Variants in FDFT1 observed in about 807,000 individuals in gnomAD.
FDFT1 encodes the protein farnesyl-diphosphate farnesyltransferase 1.
In FDFT1, 68 loss-of-function variants were observed where a neutral mutation model predicts 46.8. The observed-to-expected ratio is 1.45, with a 90% CI of 1.19 to 1.78. The LOEUF is 1.78. FDFT1 is among the 40% of genes most tolerant of loss of function. The pLI is 0.00. For missense variants in FDFT1, 928 were observed against 524.4 expected, an observed-to-expected ratio of 1.77 and a Z score of -7.52; for synonymous variants, 351 against 185.1, an observed-to-expected ratio of 1.90 and a Z score of -7.28.
chr8:11,809,648 A>C lies in FDFT1; in HGVS notation c.198-19A>C. 1.3e-6 allele frequency: 2 copies of C among 1,576,092 alleles called. No individual in the cohort carries two copies. Among genetic ancestry groups the C allele is most frequent in the Non-Finnish European group, 1.7e-6 (2 of 1,162,938 alleles). On this transcript the variant is annotated intron_variant, in intron 2 of 7. Transcript: ENST00000220584. ...TGGCTGTTTGTTCCAATATATTAATAGTTTTCCCTTTTTTACAGCAACGCA... is the reference window on the plus strand; with the variant it reads ...TGGCTGTTTGTTCCAATATATTAATCGTTTTCCCTTTTTTACAGCAACGCA...
chr8:11,803,331 C>T (rs777543640), intron 1 of FDFT1: 26 of 1,293,876 alleles, frequency 2.0e-5, no homozygotes, highest in Admixed American at 2.3e-5. Context: ...GATAACATCA[C>T]ATGAAGGCCG....
At chr8:11,822,442 A>C (rs1049788739) in intron 4 of FDFT1, among the ~76,000 whole-genome samples, 2 of 152,198 alleles carry the variant, frequency 1.3e-5, no homozygotes, top group African/African-American at 4.8e-5. Flanking sequence ...AAAACTTGAC[A>C]GCAGTTATCT....
intron 6 of FDFT1, 142 bp from the exon 7 acceptor site, chr8:11,831,376 G>C: frequency 1.5e-6 from 1 of 658,080 alleles, no homozygotes; most frequent in Non-Finnish European, 2.6e-6. Context: ...TTCTTCGTGG[G>C]TATTTTTTCT....
Position 11,809,841 on chromosome 8 carries a change from C to G in FDFT1, c.372C>G (p.Asp124Glu). ...AGAAGGATCGCCAGGTGCTGGAGGA[C>G]TTCCCAACGGTGAGTGGGGTTACGC... ...SKEKDRQVLE[D>E]FPTISLEFRN... The change falls in exon 3 of 8, where the codon GAC becomes GAG. Residue 124 changes from aspartate to glutamate, a missense_variant. Asp to Glu is a conservative substitution (Grantham distance 45). Transcript: ENST00000220584. The G allele has an allele frequency of 6.2e-7, 1 of 1,612,728 alleles. No homozygotes were observed. The highest frequency in any genetic ancestry group is 1.3e-5 in the African/African-American group (1 of 75,004).
At position 11,838,934 on chromosome 8, in the gene FDFT1, G is replaced by C. The variant is rs1811953598; in HGVS notation, c.*325G>C. 1 of 259,686 alleles carries C rather than the reference G, an allele frequency of 3.9e-6. No individual in the cohort carries two copies. The highest frequency in any genetic ancestry group is 5.0e-5 in the Admixed American group (1 of 20,168). 16.1% of individuals were successfully genotyped at this position (259,686 alleles called of 1,614,324 possible). On this transcript the variant is annotated 3_prime_UTR_variant, in exon 8 of 8. Coordinates refer to ENST00000220584, the MANE Select transcript of FDFT1 (RefSeq NM_004462.5). ...ATCCTACTTAGTATGATCCTGGCTA[G>C]AATGATAATTAAAAGTATTTAATTT...
chr8:11,797,382 C>A (rs1353158545), upstream of FDFT1, among the ~76,000 whole-genome samples: 1 of 152,170 alleles, frequency 6.6e-6, no homozygotes, highest in Non-Finnish European at 1.5e-5. Flanking sequence ...TAGGGGCTCT[C>A]TAACAAATAG....
intron 1 of FDFT1, among the ~76,000 whole-genome samples, chr8:11,805,418 G>GA (rs1415866066): frequency 1.3e-5 from 2 of 152,190 alleles, no homozygotes; most frequent in Non-Finnish European, 2.9e-5. Flanking sequence ...GAGAGTAATG[G>GA]AAAGAGCAGG....
At chr8:11,809,158 C>G in intron 2 of FDFT1, 2 of 1,294,874 alleles carry the variant, frequency 1.5e-6, no homozygotes, top group Non-Finnish European at 2.0e-6. Context: ...GCAGCTGAAC[C>G]TGCCTGTGAG....
intron 5 of FDFT1, among the ~76,000 whole-genome samples, chr8:11,828,507 G>C (rs879760137): frequency 6.6e-6 from 1 of 152,118 alleles, no homozygotes; most frequent in East Asian, 1.9e-4. Flanking sequence ...TCAGTCTCCC[G>C]GCTCCTAGGC....
At chr8:11,825,869 T>G (rs778659471) in intron 4 of FDFT1, 155 bp from the exon 5 acceptor site, 4 of 439,470 alleles carry the variant, frequency 9.1e-6, no homozygotes, top group Non-Finnish European at 1.6e-5. Flanking sequence ...TCTTGAATGT[T>G]TTTTAAATCC....
chr8:11,829,259 G>A (rs926598579), intron 5 of FDFT1, among the ~76,000 whole-genome samples: 3 of 152,144 alleles, frequency 2.0e-5, no homozygotes, highest in Non-Finnish European at 4.4e-5. Flanking sequence ...TTATTCAGTG[G>A]CATTAAGTAC....
At chr8:11,812,861 A>G (rs1807928281) in intron 3 of FDFT1, among the ~76,000 whole-genome samples, 1 of 152,212 alleles carries the variant, frequency 6.6e-6, no homozygotes, top group Admixed American at 6.5e-5. Context: ...ATCTCATTGT[A>G]TGTTAGGGGT....
intron 4 of FDFT1, among the ~76,000 whole-genome samples, chr8:11,825,539 CAAAAA>C (rs35076894): frequency 3.6e-4 from 34 of 94,774 alleles, no homozygotes; most frequent in Admixed American, 1.5e-3. Flanking sequence ...GACTTGATCT[CAAAAA>C]AAAAAAAAAA....
Position 11,809,111 on chromosome 8 carries a change from G to A in FDFT1, c.197+220G>A, listed in dbSNP as rs1293302. 12 of 1,285,254 alleles carry A rather than the reference G, an allele frequency of 9.3e-6. No individual in the cohort carries two copies. In the African/African-American group the frequency reaches 1.5e-4, roughly 17 times the overall value. 79.6% of individuals were successfully genotyped at this position (1,285,254 alleles called of 1,614,324 possible). ...GGGCCCAGCCTTTCAGAGAAGAGGG[G>A]GGAGGGGGTGATGTTTATTAACTTT... On this transcript the variant is annotated intron_variant, in intron 2 of 7. Transcript: ENST00000220584.
intron 1 of FDFT1, among the ~76,000 whole-genome samples, chr8:11,796,919 GGCTGCTCCGCAGGCAGTGT>G (rs1223928777): frequency 6.6e-6 from 1 of 152,240 alleles, no homozygotes; most frequent in Non-Finnish European, 1.5e-5. Context: ...TGCAGAGTAG[GGCTGCTCCGCAGGCAGTGT>G]GCTGAAAGCA....
chr8:11,829,513 C>T (rs1450847234), intron 5 of FDFT1, among the ~76,000 whole-genome samples: 1 of 152,204 alleles, frequency 6.6e-6, no homozygotes, highest in Non-Finnish European at 1.5e-5. Flanking sequence ...TAATGTTAGT[C>T]ATTATTTAGA....
chr8:11,803,185 G>T, intron 1 of FDFT1: 1 of 1,411,416 alleles, frequency 7.1e-7, no homozygotes, highest in Non-Finnish European at 9.3e-7. Flanking sequence ...CGGTGGTTGC[G>T]CTCCCCGTTT....
intron 6 of FDFT1, 111 bp from the exon 7 acceptor site, chr8:11,831,407 G>A (rs1810765463): frequency 3.4e-6 from 3 of 881,560 alleles, no homozygotes; most frequent in African/African-American, 1.7e-5. Flanking sequence ...CATCTTAGTT[G>A]ATTAGCAGTT....
At chr8:11,819,729 C>G (rs1431933220) in intron 3 of FDFT1, among the ~76,000 whole-genome samples, 3 of 152,040 alleles carry the variant, frequency 2.0e-5, no homozygotes, top group South Asian at 2.1e-4. Context: ...ACTGGTTATT[C>G]TAGTTAGCCA....
Sources: allele counts gnomAD v4.1 joint callset (sites outside exome capture counted in the v4.1 genomes callset), GRCh38; gene constraint gnomAD v4.1.1; transcripts MANE v1.5; gene names NCBI Gene and HGNC (gene_info 2026-07-23, HGNC 2026-07-21).